Variants in FMN1 observed in about 807,000 individuals in gnomAD.
The protein encoded by FMN1 is formin 1.
Under a neutral mutation model 132.4 loss-of-function variants are expected in FMN1, and 110 were observed. That is an observed-to-expected ratio of 0.83 (90% CI 0.71 to 0.97). The LOEUF (loss-of-function observed/expected upper bound fraction) is 0.97, where lower values mean the gene tolerates loss of function less well. Among genes scored for constraint, FMN1 ranks in the 50% least tolerant of loss-of-function variants. The pLI, the probability that FMN1 is intolerant of heterozygous loss-of-function variation, is 0.00. For missense variants in FMN1, 1,792 were observed against 1,705.3 expected, an observed-to-expected ratio of 1.05 and a Z score of -0.90; for synonymous variants, 722 against 651.7, an observed-to-expected ratio of 1.11 and a Z score of -1.64.
intron 6 of FMN1, among the ~76,000 whole-genome samples, chr15:33,029,601 T>C (rs1386067169): frequency 1.3e-5 from 2 of 152,064 alleles, no homozygotes; most frequent in Non-Finnish European, 2.9e-5. Context: ...AGCCAAACGT[T>C]TGGATCTCTC....
chr15:32,805,768 G>A (rs1323854594), intron 17 of FMN1, among the ~76,000 whole-genome samples: 2 of 151,756 alleles, frequency 1.3e-5, no homozygotes, highest in Non-Finnish European at 2.9e-5. Flanking sequence ...AGCATTTGCA[G>A]CAGTGCTGCT....
chr15:33,101,364 G>C (rs1420864102), intron 4 of FMN1, among the ~76,000 whole-genome samples: 1 of 151,888 alleles, frequency 6.6e-6, no homozygotes, highest in Non-Finnish European at 1.5e-5. Context: ...TAATCTAGGG[G>C]TGTCTAATCT....
At chr15:33,107,136 T>C (rs889390352) in intron 4 of FMN1, among the ~76,000 whole-genome samples, 1 of 151,992 alleles carries the variant, frequency 6.6e-6, no homozygotes, top group Non-Finnish European at 1.5e-5. Context: ...GCTTCATCCT[T>C]GAGTCCTCTC....
intron 7 of FMN1, among the ~76,000 whole-genome samples, chr15:32,976,070 C>T (rs930070082): frequency 1.9e-4 from 29 of 151,992 alleles, no homozygotes; most frequent in African/African-American, 6.8e-4. Context: ...AAAAATCATC[C>T]GTTAGCATTT....
chr15:32,938,494 T>G (rs969549385), intron 9 of FMN1, among the ~76,000 whole-genome samples: 1 of 152,064 alleles, frequency 6.6e-6, no homozygotes, highest in African/African-American at 2.4e-5. Flanking sequence ...AAGCCACTGC[T>G]CGCCAGCCTG....
At position 32,774,218 on chromosome 15, in the gene FMN1, T is replaced by A; in HGVS notation, c.*92A>T. The A allele has an allele frequency of 1.0e-6, 1 of 977,042 alleles. No homozygotes were observed. Among genetic ancestry groups the A allele is most frequent in the Non-Finnish European group, 1.6e-6 (1 of 633,406 alleles). The allele number at this position is 977,042 out of a possible 1,614,324, so 60.5% of individuals were successfully genotyped here. A position where few individuals can be genotyped will look rare whatever the true frequency, so the allele number is the denominator to read the frequency against. ...GCAAAAACAAACATTTAGTGACACA[T>A]CTTTCAAGAACGTCCTGCAACCCTG... On this transcript the variant is annotated 3_prime_UTR_variant, in exon 21 of 21. Coordinates refer to ENST00000616417, the MANE Select transcript of FMN1 (RefSeq NM_001277313.2).
chr15:32,855,807 G>C (rs1268053678), intron 17 of FMN1, among the ~76,000 whole-genome samples: 2 of 152,160 alleles, frequency 1.3e-5, no homozygotes, highest in South Asian at 2.1e-4. Flanking sequence ...AGGCTACTTA[G>C]GTTATATTTA....
rs182129288 is a variant in FMN1, at chr15:33,119,088, G to A, written c.1868-30114C>T. ...CGACAAAACAATGACTTTTCAGCTA[G>A]AATTCTTCATAGTTCAGCCCATAAA... On this transcript the variant is annotated intron_variant, in intron 4 of 20. Transcript: ENST00000616417. 1.6e-3 allele frequency among the ~76,000 whole-genome samples: 242 copies of A among 152,256 alleles called. 1 individual carries two copies. Among genetic ancestry groups the A allele is most frequent in the African/African-American group, 5.5e-3 (230 of 41,554 alleles).
intron 5 of FMN1, among the ~76,000 whole-genome samples, chr15:33,076,144 A>G (rs963938058): frequency 6.6e-6 from 1 of 152,154 alleles, no homozygotes; most frequent in Non-Finnish European, 1.5e-5. Flanking sequence ...AGCAGTCTTT[A>G]AAGTACAGAA....
chr15:32,875,350 A>G (rs1398389341), intron 16 of FMN1, among the ~76,000 whole-genome samples: 1 of 152,168 alleles, frequency 6.6e-6, no homozygotes, highest in Non-Finnish European at 1.5e-5. Context: ...TCTAGAAAAA[A>G]CTATGGGACA....
At chr15:32,849,036 T>A (rs950077478) in intron 17 of FMN1, among the ~76,000 whole-genome samples, 21 of 136,558 alleles carry the variant, frequency 1.5e-4, no homozygotes, top group Non-Finnish European at 2.3e-4. Flanking sequence ...CATGCTGGAG[T>A]GCAGTGGCGC....
At chr15:33,106,962 G>A (rs141410778) in intron 4 of FMN1, among the ~76,000 whole-genome samples, 177 of 152,118 alleles carry the variant, frequency 1.2e-3, no homozygotes, top group Non-Finnish European at 1.9e-3. Context: ...CCAAATTAAT[G>A]TATCTGGCCA....
At chr15:32,861,394 T>G (rs1235726957) in intron 16 of FMN1, among the ~76,000 whole-genome samples, 1 of 152,190 alleles carries the variant, frequency 6.6e-6, no homozygotes, top group Non-Finnish European at 1.5e-5. Flanking sequence ...CCCATCAAAT[T>G]GCTCCAATTT....
chr15:32,926,268 T>TTA lies in FMN1; in HGVS notation c.3139-9_3139-8dup. ...CATCCAACAATTTGATGATCTAAAA[T>TTA]TAGAAAAAAAAAAAAAAGAATACAA... On this transcript the variant is annotated splice_polypyrimidine_tract_variant and splice_region_variant and intron_variant, in intron 9 of 20. Coordinates refer to ENST00000616417, the MANE Select transcript of FMN1 (RefSeq NM_001277313.2). 2.8e-6 allele frequency: 4 copies of TTA among 1,434,566 alleles called. No individual in the cohort carries two copies. The African/African-American group carries it at 4.6e-5, about 16-fold the overall frequency. 88.9% of individuals were successfully genotyped at this position (1,434,566 alleles called of 1,614,324 possible).
chr15:33,183,148 G>C (rs1028430187), intron 2 of FMN1, among the ~76,000 whole-genome samples: 3 of 152,194 alleles, frequency 2.0e-5, no homozygotes, highest in African/African-American at 7.2e-5. Flanking sequence ...AAGGCCTGCT[G>C]TCATGAAAAG....
chr15:33,191,071 G>A (rs548736745), intron 2 of FMN1, among the ~76,000 whole-genome samples: 3 of 152,006 alleles, frequency 2.0e-5, no homozygotes, highest in African/African-American at 7.2e-5. Context: ...TCAGGAGGCT[G>A]AAGCAGGAGA....
chr15:32,783,741 TTTCAAAAAAAAAAAAAAAAAA>T (rs1162409032), intron 19 of FMN1, among the ~76,000 whole-genome samples: 1 of 49,864 alleles, frequency 2.0e-5, no homozygotes, highest in African/African-American at 9.8e-5. Flanking sequence ...CGAGACTCTG[TTTCAAAAAAAAAAAAAAAAAA>T]AAAAAAAAAA....
At chr15:33,018,067 GAAAAAAA>G (rs57158332) in intron 6 of FMN1, among the ~76,000 whole-genome samples, 1 of 142,934 alleles carries the variant, frequency 7.0e-6, no homozygotes, top group African/African-American at 2.6e-5. Flanking sequence ...TACCTCTCAA[GAAAAAAA>G]AAAAAAAAAA....
At chr15:33,161,720 C>A (rs1964898596) in intron 3 of FMN1, among the ~76,000 whole-genome samples, 1 of 152,072 alleles carries the variant, frequency 6.6e-6, no homozygotes, top group Admixed American at 6.6e-5. Context: ...AGATCGAGAC[C>A]ACCCTGGCCA....
Sources: allele counts gnomAD v4.1 joint callset (sites outside exome capture counted in the v4.1 genomes callset), GRCh38; gene constraint gnomAD v4.1.1; transcripts MANE v1.5; gene names NCBI Gene and HGNC (gene_info 2026-07-23, HGNC 2026-07-21).